Variants in MED27 observed in about 807,000 individuals in gnomAD.
MED27 encodes mediator complex subunit 27.
In MED27, 30 loss-of-function variants were observed where a neutral mutation model predicts 38.2. The ratio of observed to expected loss-of-function variants is 0.79; its 90% CI spans 0.59 to 1.07. The LOEUF (loss-of-function observed/expected upper bound fraction) is 1.07. MED27 is among the 50% of genes least tolerant of loss of function. MED27 has a pLI of 0.00. For synonymous variants in MED27, 122 were observed against 153.5 expected, an observed-to-expected ratio of 0.79 and a Z score of 1.52; for missense variants, 289 against 397.5, an observed-to-expected ratio of 0.73 and a Z score of 2.32.
chr9:131,945,646 A>C (rs1297244142), intron 3 of MED27, among the ~76,000 whole-genome samples: 1 of 152,070 alleles, frequency 6.6e-6, no homozygotes, highest in Non-Finnish European at 1.5e-5. Context: ...CTATGAGTTC[A>C]ACTTTTTTAG....
chr9:131,901,420 G>T (rs746322239), intron 4 of MED27, among the ~76,000 whole-genome samples: 12 of 152,212 alleles, frequency 7.9e-5, no homozygotes, highest in Non-Finnish European at 1.3e-4. Context: ...GGGAGGTTAA[G>T]AAGTATCAAA....
In MED27 at chr9:131,889,652, C is replaced by T. The variant is rs879411863; in HGVS notation, c.681+4233G>A. On this transcript the variant is annotated intron_variant, in intron 5 of 7. Transcript: ENST00000292035. This position sits in a 1 kb window ranked among gnomAD's most constrained non-coding sequence, Gnocchi z 4.2. Reference sequence around the variant, plus strand: ...GGTTGTTAGAGCAAAGTGCAAAGTGCAAAGTGATAGCCTTGCTGGGCTGGA... The same window carrying T: ...GGTTGTTAGAGCAAAGTGCAAAGTGTAAAGTGATAGCCTTGCTGGGCTGGA... 6.6e-6 allele frequency among the ~76,000 whole-genome samples: 1 copy of T among 151,964 alleles called. No individual in the cohort carries two copies. The highest frequency in any genetic ancestry group is 1.5e-5 in the Non-Finnish European group (1 of 68,036).
chr9:131,881,938 T>TAG (rs775515679), intron 6 of MED27, among the ~76,000 whole-genome samples: 10 of 151,684 alleles, frequency 6.6e-5, no homozygotes, highest in Non-Finnish European at 1.0e-4. Flanking sequence ...GTATTTTTAG[T>TAG]AGAGACAGGG....
chr9:132,054,880 T>G (rs1833542593), intron 2 of MED27, among the ~76,000 whole-genome samples: 1 of 152,144 alleles, frequency 6.6e-6, no homozygotes, highest in Non-Finnish European at 1.5e-5. Context: ...CCTGCCCTCC[T>G]CCCTACCCTC....
At chr9:131,892,221 GGA>G in intron 5 of MED27, among the ~76,000 whole-genome samples, 1 of 152,246 alleles carries the variant, frequency 6.6e-6, no homozygotes, top group East Asian at 1.9e-4. Flanking sequence ...GAGCAGCTGA[GGA>G]GGGGCGATCA....
chr9:131,985,307 T>A (rs913858483), intron 3 of MED27, among the ~76,000 whole-genome samples: 6 of 152,222 alleles, frequency 3.9e-5, no homozygotes, highest in Admixed American at 6.5e-5. Flanking sequence ...TATTTCTTAA[T>A]GTTTAGATAT....
At chr9:132,068,117 C>A (rs889212808) in intron 2 of MED27, among the ~76,000 whole-genome samples, 2 of 152,190 alleles carry the variant, frequency 1.3e-5, no homozygotes, top group Non-Finnish European at 2.9e-5. Flanking sequence ...ACAAGTGGTG[C>A]TAGACCATGA....
chr9:131,865,961 G>A (rs1437058433), intron 6 of MED27, among the ~76,000 whole-genome samples: 1 of 152,140 alleles, frequency 6.6e-6, no homozygotes, highest in Admixed American at 6.5e-5. Context: ...CTGCCACGTG[G>A]CCACCAGCTG....
intron 3 of MED27, among the ~76,000 whole-genome samples, chr9:132,013,534 C>A (rs1462028915): frequency 6.6e-6 from 1 of 152,114 alleles, no homozygotes; most frequent in Non-Finnish European, 1.5e-5. Context: ...CTCTGTGAAG[C>A]TTACTGTATC....
At chr9:132,022,876 T>C (rs1832746834) in intron 2 of MED27, among the ~76,000 whole-genome samples, 1 of 152,172 alleles carries the variant, frequency 6.6e-6, no homozygotes. Context: ...GAGCACTCAC[T>C]ATCATGAGAA....
intron 2 of MED27, among the ~76,000 whole-genome samples, chr9:132,047,937 T>C (rs906912095): frequency 2.6e-5 from 4 of 152,118 alleles, no homozygotes; most frequent in Admixed American, 1.3e-4. Context: ...TTAAAGCCCA[T>C]TTATGCCTAG....
chr9:132,055,780 T>C (rs1334800138), intron 2 of MED27, among the ~76,000 whole-genome samples: 1 of 152,232 alleles, frequency 6.6e-6, no homozygotes, highest in Non-Finnish European at 1.5e-5. Flanking sequence ...AGCCTCATTT[T>C]AGTCAAACCT....
chr9:132,036,922 G>A (rs1189759467), intron 2 of MED27, among the ~76,000 whole-genome samples: 1 of 152,152 alleles, frequency 6.6e-6, no homozygotes, highest in African/African-American at 2.4e-5. Context: ...AGTCCAGGCC[G>A]AAGGAACAAC....
chr9:131,973,018 C>A (rs1489834960), intron 3 of MED27, among the ~76,000 whole-genome samples: 1 of 152,128 alleles, frequency 6.6e-6, no homozygotes, highest in Non-Finnish European at 1.5e-5. Flanking sequence ...ATGAGGGAAG[C>A]AATACAAGAA....
At chr9:131,971,160 G>A (rs1831466947) in intron 3 of MED27, among the ~76,000 whole-genome samples, 1 of 152,160 alleles carries the variant, frequency 6.6e-6, no homozygotes, top group African/African-American at 2.4e-5. Context: ...GGGATTTGGG[G>A]GATTATCCCA....
chr9:132,014,548 T>A (rs1008948024), intron 2 of MED27, 81 bp from the exon 3 acceptor site: 33 of 1,392,604 alleles, frequency 2.4e-5, no homozygotes, highest in Non-Finnish European at 2.9e-5. Context: ...CTAGCAATGC[T>A]TGATAATCTT....
chr9:131,960,401 G>C (rs1268198298), intron 3 of MED27, among the ~76,000 whole-genome samples: 3 of 152,032 alleles, frequency 2.0e-5, no homozygotes, highest in African/African-American at 7.3e-5. Flanking sequence ...TGTGAAGTGG[G>C]GTGTGTGTGT....
rs144248300 is a variant in MED27 at position 131,862,550 on chromosome 9, G to C, written c.801+513C>G. Among the ~76,000 whole-genome samples, 1,591 of 152,340 alleles carry C rather than the reference G, an allele frequency of 0.01. 14 individuals carry two copies. The highest frequency in any genetic ancestry group is 0.015 in the Non-Finnish European group (1,054 of 68,034). On this transcript the variant is annotated intron_variant, in intron 7 of 7. Coordinates refer to ENST00000292035, the MANE Select transcript of MED27 (RefSeq NM_004269.4). This position sits in a 1 kb window ranked among gnomAD's most constrained non-coding sequence, Gnocchi z 4.6. ...TGGTGTCAACACTCCCACCAAGTTT[G>C]ATTTCAAACTAGTAGTGGTTGAAGA...
intron 3 of MED27, among the ~76,000 whole-genome samples, chr9:131,994,336 G>A (rs771497616): frequency 5.3e-5 from 8 of 152,160 alleles, no homozygotes; most frequent in Non-Finnish European, 1.0e-4. Context: ...AGGGAAGGCC[G>A]AATGGAAGTC....
Sources: allele counts gnomAD v4.1 joint callset (sites outside exome capture counted in the v4.1 genomes callset), GRCh38; gene constraint gnomAD v4.1.1; non-coding constraint Gnocchi (gnomAD v3.1); transcripts MANE v1.5; gene names NCBI Gene and HGNC (gene_info 2026-07-23, HGNC 2026-07-21).